The following SAMMSON variants were observed in gnomAD, a reference collection of about 807,000 sequenced individuals.
The protein encoded by SAMMSON is long intergenic non-protein coding RNA 1212.
chr3:70,322,390 A>G (rs979456288), intron 7 of SAMMSON, among the ~76,000 whole-genome samples: 2 of 152,082 alleles, frequency 1.3e-5, no homozygotes, highest in Non-Finnish European at 2.9e-5. Context: ...TTCATCTCCT[A>G]ATTGTCAAGT....
At chr3:70,300,508 T>A (rs1198718108) in intron 7 of SAMMSON, among the ~76,000 whole-genome samples, 1 of 152,008 alleles carries the variant, frequency 6.6e-6, no homozygotes, top group African/African-American at 2.4e-5. Context: ...TGTAGTTATA[T>A]ACATACATAT....
chr3:70,333,731 C>T (rs928882588), intron 7 of SAMMSON, among the ~76,000 whole-genome samples: 3 of 152,192 alleles, frequency 2.0e-5, no homozygotes, highest in Non-Finnish European at 2.9e-5. Flanking sequence ...TAGCATTCCT[C>T]CAACTTGCCT....
At chr3:70,375,091 A>G (rs987597183) in intron 9 of SAMMSON, among the ~76,000 whole-genome samples, 2 of 152,164 alleles carry the variant, frequency 1.3e-5, no homozygotes, top group African/African-American at 4.8e-5. Flanking sequence ...GTGCATGAGA[A>G]GAATAGTGAA....
At chr3:70,125,178 TTGC>T in intron 4 of SAMMSON, 2 of 1,577,240 alleles carry the variant, frequency 1.3e-6, no homozygotes, top group Non-Finnish European at 1.7e-6. Flanking sequence ...TTTAAGGCTT[TTGC>T]TGCTGCTTTT....
At chr3:70,251,904 T>C (rs1455376663) in intron 6 of SAMMSON, among the ~76,000 whole-genome samples, 1 of 152,214 alleles carries the variant, frequency 6.6e-6, no homozygotes, top group Non-Finnish European at 1.5e-5. Flanking sequence ...ATTTGGGATG[T>C]CTTGTTACAC....
chr3:70,144,340 C>T (rs1414776397), intron 4 of SAMMSON, among the ~76,000 whole-genome samples: 2 of 152,036 alleles, frequency 1.3e-5, no homozygotes, highest in Non-Finnish European at 2.9e-5. Context: ...TTTACCCATA[C>T]AGAGAAAAAC....
intron 4 of SAMMSON, among the ~76,000 whole-genome samples, chr3:70,124,544 G>A (rs551797728): frequency 2.6e-5 from 4 of 152,072 alleles, no homozygotes; most frequent in Non-Finnish European, 5.9e-5. Flanking sequence ...CGAGTACCGT[G>A]GCTCACGCCT....
chr3:70,384,691 C>A (rs1409564105), intron 9 of SAMMSON, among the ~76,000 whole-genome samples: 1 of 152,068 alleles, frequency 6.6e-6, no homozygotes, highest in Non-Finnish European at 1.5e-5. Flanking sequence ...AGGTCAGATG[C>A]AAAGTTCACC....
intron 9 of SAMMSON, among the ~76,000 whole-genome samples, chr3:70,384,173 C>A (rs1406779979): frequency 6.6e-6 from 1 of 152,030 alleles, no homozygotes. Flanking sequence ...TCAGTTGCTA[C>A]CTGCTGATTT....
intron 4 of SAMMSON, among the ~76,000 whole-genome samples, chr3:70,117,112 G>T (rs1441590828): frequency 6.6e-6 from 1 of 152,154 alleles, no homozygotes; most frequent in Non-Finnish European, 1.5e-5. Flanking sequence ...AAATGATGGT[G>T]TACACCCTGG....
intron 4 of SAMMSON, among the ~76,000 whole-genome samples, chr3:70,212,352 T>G (rs1701359786): frequency 6.6e-6 from 1 of 152,144 alleles, no homozygotes; most frequent in Non-Finnish European, 1.5e-5. Context: ...AGCCCCTCAT[T>G]CTTCTCCCCA....
At chr3:70,127,911 G>A (rs1271153807) in intron 4 of SAMMSON, 2 of 152,170 alleles carry the variant, frequency 1.3e-5, no homozygotes, top group South Asian at 2.1e-4. Flanking sequence ...CAAAGTGCTG[G>A]GATTACTGCA....
intron 2 of SAMMSON, among the ~76,000 whole-genome samples, chr3:70,417,338 A>G (rs745738647): frequency 1.3e-4 from 20 of 152,174 alleles, no homozygotes; most frequent in Non-Finnish European, 2.8e-4. Context: ...AAGATGTTAA[A>G]CCATCCTTGT....
chr3:70,283,914 C>T (rs1421641811), intron 6 of SAMMSON: 1 of 152,004 alleles, frequency 6.6e-6, no homozygotes, highest in Non-Finnish European at 1.5e-5. Flanking sequence ...AATACATGTG[C>T]TATTAATAAT....
exon 10 of SAMMSON, chr3:70,389,580 G>A (rs1195058786): frequency 1.3e-5 from 2 of 152,078 alleles, no homozygotes; most frequent in African/African-American, 4.8e-5. Context: ...ACAGGGTGTT[G>A]TCTATTTGCC....
chr3:70,042,723 C>T (rs1008605291), intron 3 of SAMMSON, among the ~76,000 whole-genome samples: 2 of 152,042 alleles, frequency 1.3e-5, no homozygotes, highest in Admixed American at 1.3e-4. Context: ...AAGGACTGTG[C>T]GTTTAATGTT....
chr3:70,356,764 A>G (rs1434168063), intron 8 of SAMMSON, among the ~76,000 whole-genome samples: 1 of 152,100 alleles, frequency 6.6e-6, no homozygotes, highest in Non-Finnish European at 1.5e-5. Flanking sequence ...AAGAATACCA[A>G]TCCCAGGCTG....
chr3:70,313,252 G>C (rs531365167), intron 7 of SAMMSON, among the ~76,000 whole-genome samples: 1 of 152,226 alleles, frequency 6.6e-6, no homozygotes, highest in East Asian at 1.9e-4. Flanking sequence ...TGGATTGCTT[G>C]AGGCAAGGAG....
chr3:70,324,479 C>T (rs529534169), intron 7 of SAMMSON, among the ~76,000 whole-genome samples: 1 of 152,054 alleles, frequency 6.6e-6, no homozygotes, highest in African/African-American at 2.4e-5. Context: ...TGAAATCATC[C>T]CCTCCCCCTG....
Sources: allele counts gnomAD v4.1 joint callset (sites outside exome capture counted in the v4.1 genomes callset), GRCh38; gene constraint gnomAD v4.1.1; transcripts MANE v1.5; gene names NCBI Gene and HGNC (gene_info 2026-07-23, HGNC 2026-07-21).